Variants in SLC9C1 observed in about 807,000 individuals in gnomAD.
The protein encoded by SLC9C1 is sodium/hydrogen exchanger 10.
Under a neutral mutation model 140.9 loss-of-function variants are expected in SLC9C1, and 97 were observed. The observed-to-expected ratio is 0.69, with a 90% CI of 0.58 to 0.82. The LOEUF is 0.82. Among genes scored for constraint, SLC9C1 ranks in the 40% least tolerant of loss-of-function variants. The pLI, the probability that SLC9C1 is intolerant of heterozygous loss-of-function variation, is 0.00. For synonymous variants in SLC9C1, 440 were observed against 442.6 expected (o/e 0.99, Z 0.07); for missense variants, 1,340 against 1,389.3 (o/e 0.96, Z 0.56).
chr3:112,265,959 G>T (rs1257960188), intron 8 of SLC9C1, among the ~76,000 whole-genome samples: 1 of 152,024 alleles, frequency 6.6e-6, no homozygotes, highest in African/African-American at 2.4e-5. Context: ...GTGGGTACAA[G>T]ATTTTATATG....
chr3:112,231,557 C>G, intron 12 of SLC9C1, 71 bp from the exon 13 acceptor site: 1 of 1,449,244 alleles, frequency 6.9e-7, no homozygotes, highest in South Asian at 1.3e-5. Context: ...AATCCACAAG[C>G]AATTTTTGTA....
chr3:112,175,234 C>A (rs182008469), intron 23 of SLC9C1, among the ~76,000 whole-genome samples: 12 of 152,278 alleles, frequency 7.9e-5, no homozygotes, highest in Non-Finnish European at 1.6e-4. Context: ...CGCTCCAGTC[C>A]CTAGTCACCT....
intron 23 of SLC9C1, among the ~76,000 whole-genome samples, chr3:112,171,179 G>A (rs1459213511): frequency 1.3e-5 from 2 of 151,972 alleles, no homozygotes; most frequent in Non-Finnish European, 2.9e-5. Context: ...GGGAGCCATT[G>A]CACTCCAGCC....
chr3:112,162,189 C>A (rs1033517967), intron 26 of SLC9C1, among the ~76,000 whole-genome samples: 1 of 152,174 alleles, frequency 6.6e-6, no homozygotes, highest in East Asian at 1.9e-4. Context: ...ATGGGGTTAT[C>A]TAGATATACA....
chr3:112,147,599 A>G, intron 28 of SLC9C1: 1 of 345,728 alleles, frequency 2.9e-6, no homozygotes. Flanking sequence ...CAGAAAGATG[A>G]ATATAGATCC....
At chr3:112,206,640 A>G (rs866629020) in intron 16 of SLC9C1, among the ~76,000 whole-genome samples, 6 of 152,172 alleles carry the variant, frequency 3.9e-5, no homozygotes, top group African/African-American at 2.4e-5. Context: ...TGGCCCATAT[A>G]CACCATGGAA....
At chr3:112,279,084 GT>G (rs1171826478) in intron 3 of SLC9C1, 8 of 401,520 alleles carry the variant, frequency 2.0e-5, no homozygotes, top group Non-Finnish European at 3.5e-5. Context: ...GAAAGTTAAT[GT>G]AATTCATGCA....
At chr3:112,195,292 T>A (rs767956694) in intron 20 of SLC9C1, among the ~76,000 whole-genome samples, 14 of 152,170 alleles carry the variant, frequency 9.2e-5, no homozygotes, top group Non-Finnish European at 1.9e-4. Flanking sequence ...TTTTGAGGTA[T>A]TTTTTGTATA....
chr3:112,150,321 A>C (rs2107848615), intron 28 of SLC9C1, among the ~76,000 whole-genome samples: 1 of 152,218 alleles, frequency 6.6e-6, no homozygotes, highest in Non-Finnish European at 1.5e-5. Context: ...CTCCTAAGTT[A>C]ACTCGAGGGC....
chr3:112,191,266 G>A (rs1469282974), intron 20 of SLC9C1, among the ~76,000 whole-genome samples: 1 of 152,020 alleles, frequency 6.6e-6, no homozygotes, highest in Non-Finnish European at 1.5e-5. Flanking sequence ...GAGAGAGGAC[G>A]TTTCTTTTCT....
At chr3:112,245,854 C>G (rs1051975497) in intron 10 of SLC9C1, among the ~76,000 whole-genome samples, 5 of 152,050 alleles carry the variant, frequency 3.3e-5, no homozygotes, top group African/African-American at 9.7e-5. Flanking sequence ...AAAAATGTGT[C>G]TCAACAATGC....
rs755551713 is a variant in SLC9C1, at chr3:112,266,308, G to A, written c.808C>T (p.Leu270=). The A allele has an allele frequency of 1.9e-6, 3 of 1,610,042 alleles. No homozygotes were observed. The highest frequency in any genetic ancestry group is 2.5e-6 in the Non-Finnish European group (3 of 1,178,572). ...TTTAAAAGAAGTCCCACAATGGCCA[G>A]AGTAAATATTCCTGACATTCCAACT... ...ELVGMSGIFT[L]AIVGLLLNST... is the part of the protein sequence containing the mutation. The change falls in exon 8 of 29, where the codon CTG becomes TTG. Residue 270 remains leucine (L), a synonymous_variant. Transcript: ENST00000305815.
intron 10 of SLC9C1, among the ~76,000 whole-genome samples, chr3:112,255,334 C>T (rs149943777): frequency 2.4e-4 from 36 of 152,080 alleles, no homozygotes; most frequent in East Asian, 2.1e-3. Flanking sequence ...CACAATCAAA[C>T]GTAAAACAAT....
intron 2 of SLC9C1, among the ~76,000 whole-genome samples, chr3:112,281,470 G>A (rs2080355442): frequency 6.6e-6 from 1 of 152,184 alleles, no homozygotes; most frequent in African/African-American, 2.4e-5. Flanking sequence ...TCCTGGAGGA[G>A]CGGGAGTCAA....
At chr3:112,171,217 A>G (rs1032337071) in intron 23 of SLC9C1, among the ~76,000 whole-genome samples, 1 of 151,638 alleles carries the variant, frequency 6.6e-6, no homozygotes, top group Non-Finnish European at 1.5e-5. Flanking sequence ...CTCTGTCAGA[A>G]AAAAAAAAGA....
intron 28 of SLC9C1, among the ~76,000 whole-genome samples, chr3:112,144,675 A>G (rs2074733073): frequency 6.6e-6 from 1 of 151,938 alleles, no homozygotes; most frequent in Non-Finnish European, 1.5e-5. Flanking sequence ...CCTTGGTTGC[A>G]TGTATTCCTA....
intron 23 of SLC9C1, among the ~76,000 whole-genome samples, chr3:112,172,933 A>G (rs1358627402): frequency 6.6e-6 from 1 of 152,080 alleles, no homozygotes; most frequent in Non-Finnish European, 1.5e-5. Flanking sequence ...ATATATTCTT[A>G]GATTCAACTT....
intron 20 of SLC9C1, among the ~76,000 whole-genome samples, chr3:112,185,169 G>A (rs1295302692): frequency 2.0e-5 from 3 of 152,000 alleles, no homozygotes; most frequent in African/African-American, 4.8e-5. Context: ...TGCTTCACTC[G>A]TCCCCTGCCA....
intron 6 of SLC9C1, among the ~76,000 whole-genome samples, chr3:112,270,897 T>C (rs903954857): frequency 6.6e-6 from 1 of 152,222 alleles, no homozygotes; most frequent in African/African-American, 2.4e-5. Context: ...AATCGGGTTA[T>C]TTATGTCCAA....
Sources: gnomAD v4.1 joint callset for allele counts (sites outside exome capture counted in the v4.1 genomes callset) on GRCh38, gnomAD v4.1.1 for gene constraint, MANE v1.5 for transcripts, NCBI Gene and HGNC (gene_info 2026-07-23, HGNC 2026-07-21) for gene names.